ST3GAL3: variants seen among roughly 807,000 people sequenced by gnomAD.
ST3GAL3 encodes the protein CMP-N-acetylneuraminate-beta-1,4-galactoside alpha-2,3-sialyltransferase.
Under a neutral mutation model 50.1 loss-of-function variants are expected in ST3GAL3, and 21 were observed. The observed-to-expected ratio is 0.42, with a 90% CI of 0.30 to 0.60. ST3GAL3 has a LOEUF of 0.60. Among genes scored for constraint, ST3GAL3 ranks in the 20% least tolerant of loss-of-function variants. ST3GAL3 has a pLI of 0.19. For missense variants in ST3GAL3, 353 were observed against 489.4 expected (o/e 0.72, Z 2.63); for synonymous variants, 183 against 190.0 (o/e 0.96, Z 0.30).
At chr1:43,851,674 C>A in intron 5 of ST3GAL3, 3 of 1,336,660 alleles carry the variant, frequency 2.2e-6, no homozygotes, top group Non-Finnish European at 3.2e-6. Flanking sequence ...GCGCCAGCAT[C>A]TTGTCATGTG....
At chr1:43,830,998 A>G (rs1273594407) in intron 4 of ST3GAL3, among the ~76,000 whole-genome samples, 3 of 152,222 alleles carry the variant, frequency 2.0e-5, no homozygotes, top group African/African-American at 7.2e-5. Context: ...TAACCTTTCA[A>G]AGGGCACTGT....
chr1:43,772,968 C>T (rs188385111), intron 2 of ST3GAL3, among the ~76,000 whole-genome samples: 76 of 152,178 alleles, frequency 5.0e-4, no homozygotes, highest in African/African-American at 1.8e-3. Context: ...AGGATGGTCT[C>T]GATCTCTTGA....
At chr1:43,904,924 ACTCTTCCTCCCCTTCCTCCTTTCTG>A (rs1459848896) in intron 9 of ST3GAL3, among the ~76,000 whole-genome samples, 2 of 4,874 alleles carry the variant, frequency 4.1e-4, no homozygotes, top group African/African-American at 7.6e-4. Flanking sequence ...TCTTCCCGCC[ACTCTTCCTCCCCTTCCTCCTTTCTG>A]CCACTCTTCC....
chr1:43,899,530 G>A lies in ST3GAL3; in HGVS notation c.558-11G>A, dbSNP rs1229469316. ...ACAGGCCCAGGCTCTGAGTGGGCCT[G>A]CTCTCTGTAGACTGAATTCAGCACC... is the stretch of plus-strand genomic sequence containing the variant. On this transcript the variant is annotated splice_polypyrimidine_tract_variant and intron_variant, in intron 8 of 11. Transcript: ENST00000347631. The surrounding 1 kb of genome is among the most constrained non-coding windows in gnomAD (Gnocchi z 5.4). 2 of 1,611,376 alleles carry A rather than the reference G, an allele frequency of 1.2e-6. No individual in the cohort carries two copies. The highest frequency in any genetic ancestry group is 1.7e-6 in the Non-Finnish European group (2 of 1,180,034).
chr1:43,851,288 T>A, intron 5 of ST3GAL3: 1 of 1,569,650 alleles, frequency 6.4e-7, no homozygotes, highest in Non-Finnish European at 8.8e-7. Context: ...CATGAACCCG[T>A]GGGTCAGGTG....
rs143907998 is a variant in ST3GAL3, at chr1:43,744,075, A to G, written c.118+7695A>G. Among the ~76,000 whole-genome samples the G allele has an allele frequency of 1.1e-3, 162 of 152,272 alleles. 1 individual carries two copies. Among genetic ancestry groups the G allele is most frequent in the African/African-American group, 3.8e-3 (157 of 41,560 alleles). On this transcript the variant is annotated intron_variant, in intron 2 of 11. Transcript: ENST00000347631. ...TCACTATTTCAACAAAAAAGCCAACATGAAAAATCCTTGCATACCTTGTTT... is the reference window on the plus strand; with the variant it reads ...TCACTATTTCAACAAAAAAGCCAACGTGAAAAATCCTTGCATACCTTGTTT...
intron 4 of ST3GAL3, among the ~76,000 whole-genome samples, chr1:43,836,257 ATAT>A (rs2064314866): frequency 6.6e-6 from 1 of 152,176 alleles, no homozygotes; most frequent in Non-Finnish European, 1.5e-5. Flanking sequence ...ACATAAGAAA[ATAT>A]TGTTTTTCTC....
At chr1:43,928,764 C>T (rs1201329693) in intron 11 of ST3GAL3, among the ~76,000 whole-genome samples, 2 of 151,956 alleles carry the variant, frequency 1.3e-5, no homozygotes, top group Non-Finnish European at 2.9e-5. Flanking sequence ...ACAAAATTAG[C>T]TGGGTGTGGT....
At chr1:43,811,309 G>C (rs2060530136) in intron 3 of ST3GAL3, among the ~76,000 whole-genome samples, 3 of 152,284 alleles carry the variant, frequency 2.0e-5, no homozygotes, top group South Asian at 4.1e-4. Context: ...GATTGCTGTT[G>C]GAGGGAGAGA....
chr1:43,922,003 T>C (rs999390499), intron 11 of ST3GAL3: 15 of 355,876 alleles, frequency 4.2e-5, no homozygotes, highest in Non-Finnish European at 6.5e-5. Flanking sequence ...ATTTCCAACA[T>C]TCCTCTTATT....
intron 4 of ST3GAL3, 59 bp downstream of exon 4, chr1:43,814,992 C>G (rs2061057376): frequency 6.4e-7 from 1 of 1,560,986 alleles, no homozygotes; most frequent in Non-Finnish European, 8.8e-7. Context: ...AGAGCTGGGT[C>G]TCACTTTGAA....
At chr1:43,801,528 C>T (rs1004423840) in intron 3 of ST3GAL3, 1 of 364,552 alleles carries the variant, frequency 2.7e-6, no homozygotes, top group Non-Finnish European at 5.5e-6. Context: ...GTGCTCCCAA[C>T]TGCACGTCAG....
chr1:43,851,614 A>C (rs888171949), intron 5 of ST3GAL3: 14 of 1,306,660 alleles, frequency 1.1e-5, no homozygotes, highest in Non-Finnish European at 1.4e-5. Flanking sequence ...CTCTGCCGGT[A>C]CTCTCCTTAA....
chr1:43,851,845 A>G lies in ST3GAL3; in HGVS notation c.302+13534A>G, dbSNP rs373001339. ...GACCCGCTGACCCAATGCCCTGTAC[A>G]CTGCCACGCACCAGCAACGTGACTG... On this transcript the variant is annotated intron_variant, in intron 5 of 11. Coordinates refer to ENST00000347631, the MANE Select transcript of ST3GAL3 (RefSeq NM_006279.5). Among the ~76,000 whole-genome samples, 10 of 152,130 alleles carry G rather than the reference A, an allele frequency of 6.6e-5. No homozygotes were observed. The East Asian group carries it at 1.5e-3, about 23-fold the overall frequency.
intron 5 of ST3GAL3, chr1:43,841,130 C>G (rs1433964689): frequency 1.3e-5 from 2 of 152,390 alleles, no homozygotes; most frequent in African/African-American, 4.8e-5. Context: ...GGTGCAGCCC[C>G]TGTGGCTGCT....
chr1:43,836,477 G>A (rs767821650), intron 4 of ST3GAL3, among the ~76,000 whole-genome samples: 3 of 152,206 alleles, frequency 2.0e-5, no homozygotes, highest in Non-Finnish European at 2.9e-5. Context: ...GGCTAGGCCC[G>A]AGGGGTCTGT....
At chr1:43,833,254 A>G (rs1412548773) in intron 4 of ST3GAL3, among the ~76,000 whole-genome samples, 1 of 152,204 alleles carries the variant, frequency 6.6e-6, no homozygotes, top group Admixed American at 6.5e-5. Context: ...TTCCAAGGCA[A>G]GGTAACCAAC....
Position 43,719,753 on chromosome 1 carries a change from C to T in ST3GAL3, c.-31+12060C>T, listed in dbSNP as rs1373985792. Among the ~76,000 whole-genome samples the T allele has an allele frequency of 2.7e-5, 4 of 150,664 alleles. No individual in the cohort carries two copies. The East Asian group carries it at 7.8e-4, about 29-fold the overall frequency. The stretch of plus-strand genomic sequence containing the variant: ...TTGGAGACCAGCCTGGCCAACATGG[C>T]GAAAGCCCGTCTCTACTAAAAATAC... On this transcript the variant is annotated intron_variant, in intron 1 of 11. Coordinates refer to ENST00000347631, the MANE Select transcript of ST3GAL3 (RefSeq NM_006279.5).
chr1:43,887,990 A>G (rs2076203273), intron 5 of ST3GAL3, among the ~76,000 whole-genome samples: 1 of 152,086 alleles, frequency 6.6e-6, no homozygotes, highest in Non-Finnish European at 1.5e-5. Context: ...AGCACAGGAC[A>G]TGTTGAGGGA....
Sources: allele counts gnomAD v4.1 joint callset (sites outside exome capture counted in the v4.1 genomes callset), GRCh38; gene constraint gnomAD v4.1.1; non-coding constraint Gnocchi (gnomAD v3.1); transcripts MANE v1.5; gene names NCBI Gene and HGNC (gene_info 2026-07-23, HGNC 2026-07-21).